CDH18: variants seen among roughly 807,000 people sequenced by gnomAD.
The protein encoded by CDH18 is cadherin-18.
A neutral mutation model predicts 67.9 loss-of-function variants in CDH18; 31 were observed. That is an observed-to-expected ratio of 0.46 (90% CI 0.34 to 0.62). The LOEUF is 0.62. Ranked by LOEUF, CDH18 falls within the 20% of genes least tolerant of loss-of-function variation. The pLI is 0.01. For missense variants in CDH18, 890 were observed against 975.5 expected (o/e 0.91, Z 1.17); for synonymous variants, 362 against 347.2 (o/e 1.04, Z -0.48).
At chr5:20,289,533 C>T (rs1440642345) in intron 1 of CDH18, among the ~76,000 whole-genome samples, 3 of 151,880 alleles carry the variant, frequency 2.0e-5, no homozygotes, top group Non-Finnish European at 4.4e-5. Flanking sequence ...AGGTGACAGA[C>T]TAAATATTTA....
In CDH18 at chr5:19,531,862, T is replaced by G. The variant is rs558192015; in HGVS notation, c.1391-11084A>C. 3.3e-5 allele frequency among the ~76,000 whole-genome samples: 5 copies of G among 152,246 alleles called. No homozygotes were observed. In the South Asian group the frequency reaches 1.0e-3, roughly 32 times the overall value. Reference sequence around the variant, plus strand: ...AACTTGACTCATTAACGCAAAAGCTTCCTGAAAAGAATGACTCAAAGGTGT... The same window carrying G: ...AACTTGACTCATTAACGCAAAAGCTGCCTGAAAAGAATGACTCAAAGGTGT... On this transcript the variant is annotated intron_variant, in intron 9 of 12. Coordinates refer to ENST00000382275, the MANE Select transcript of CDH18 (RefSeq NM_004934.5).
intron 1 of CDH18, among the ~76,000 whole-genome samples, chr5:20,558,070 T>C (rs1216167766): frequency 6.6e-6 from 1 of 151,960 alleles, no homozygotes; most frequent in African/African-American, 2.4e-5. Flanking sequence ...CTGATTGTTA[T>C]AGAATTATTT....
intron 2 of CDH18, among the ~76,000 whole-genome samples, chr5:19,846,065 G>C (rs542468813): frequency 1.3e-4 from 19 of 151,966 alleles, no homozygotes; most frequent in Admixed American, 3.3e-4. Context: ...TGTCTATCTT[G>C]TAGCTATTTT....
intron 2 of CDH18, among the ~76,000 whole-genome samples, chr5:19,925,252 T>C (rs775107716): frequency 6.6e-6 from 1 of 152,124 alleles, no homozygotes; most frequent in African/African-American, 2.4e-5. Context: ...AGCTACAGTA[T>C]GTATAAAGCA....
chr5:19,839,279 C>A, intron 2 of CDH18, 37 bp from the exon 3 acceptor site: 2 of 338,060 alleles, frequency 5.9e-6, no homozygotes, highest in Non-Finnish European at 5.6e-6. Context: ...TTACAAAACA[C>A]GGTTTTTTTA....
intron 3 of CDH18, among the ~76,000 whole-genome samples, chr5:19,824,529 C>T (rs1450012756): frequency 1.3e-5 from 2 of 152,184 alleles, no homozygotes; most frequent in Admixed American, 1.3e-4. Context: ...CAGAGAGCCA[C>T]CCGGACATTT....
At chr5:20,258,344 T>A (rs1744398605) in intron 1 of CDH18, among the ~76,000 whole-genome samples, 3 of 152,148 alleles carry the variant, frequency 2.0e-5, no homozygotes, top group Admixed American at 2.0e-4. Flanking sequence ...GGAAAACTCA[T>A]ATCCAGTAAC....
chr5:20,059,277 C>T (rs953762714), intron 2 of CDH18, among the ~76,000 whole-genome samples: 1 of 152,006 alleles, frequency 6.6e-6, no homozygotes, highest in African/African-American at 2.4e-5. Context: ...TTTTAAAAAA[C>T]CAGCTCCTGG....
chr5:20,242,610 A>C (rs1561905822), intron 2 of CDH18, among the ~76,000 whole-genome samples: 1 of 25,224 alleles, frequency 4.0e-5, no homozygotes, highest in Admixed American at 3.7e-4. Context: ...AAAAAAAAAA[A>C]AATATATATA....
intron 1 of CDH18, among the ~76,000 whole-genome samples, chr5:20,427,746 C>T (rs978480977): frequency 6.6e-6 from 1 of 151,030 alleles, no homozygotes; most frequent in Non-Finnish European, 1.5e-5. Context: ...GATTTATGCT[C>T]ATCTGGAAAG....
At chr5:19,719,915 A>AAGAAAGAAAGAAAG (rs1287602775) in intron 5 of CDH18, among the ~76,000 whole-genome samples, 47 of 123,542 alleles carry the variant, frequency 3.8e-4, no homozygotes, top group African/African-American at 1.3e-3. Flanking sequence ...GAAAGAAAGA[A>AAGAAAGAAAGAAAG]AGAAAGAAAG....
intron 2 of CDH18, among the ~76,000 whole-genome samples, chr5:20,196,653 T>C (rs1739004680): frequency 6.6e-6 from 1 of 152,214 alleles, no homozygotes; most frequent in South Asian, 2.1e-4. Context: ...ATACCACATA[T>C]GAAATAGAAT....
intron 1 of CDH18, among the ~76,000 whole-genome samples, chr5:20,333,877 T>C (rs1271826472): frequency 7.9e-6 from 1 of 126,056 alleles, no homozygotes; most frequent in African/African-American, 2.7e-5. Flanking sequence ...AATTTAAAGA[T>C]GAGTTTGAAG....
At chr5:20,423,049 A>T (rs959741692) in intron 1 of CDH18, among the ~76,000 whole-genome samples, 5 of 151,198 alleles carry the variant, frequency 3.3e-5, no homozygotes, top group African/African-American at 1.2e-4. Flanking sequence ...AGAGAAAATG[A>T]TTTGGTGGAA....
intron 1 of CDH18, among the ~76,000 whole-genome samples, chr5:20,288,683 A>G (rs1746872585): frequency 6.6e-6 from 1 of 151,930 alleles, no homozygotes; most frequent in East Asian, 1.9e-4. Context: ...ATCATAATAG[A>G]TCCTTTCTTG....
chr5:20,242,638 A>ATATATACGTG, intron 2 of CDH18, among the ~76,000 whole-genome samples: 1 of 109,494 alleles, frequency 9.1e-6, no homozygotes, highest in South Asian at 2.7e-4. Flanking sequence ...ATATATGTAT[A>ATATATACGTG]TATATATATA....
chr5:20,077,276 C>T (rs905373753), intron 2 of CDH18, among the ~76,000 whole-genome samples: 1 of 152,186 alleles, frequency 6.6e-6, no homozygotes, highest in African/African-American at 2.4e-5. Flanking sequence ...CTTTTATAAA[C>T]CTTGGCGTAT....
rs866337527 is a variant in CDH18 at position 20,072,365 on chromosome 5, A to C, written c.-517-80351T>G. 9.2e-5 allele frequency among the ~76,000 whole-genome samples: 14 copies of C among 152,162 alleles called. No homozygotes were observed. The Middle Eastern group carries it at 0.01, about 111-fold the overall frequency. ...TATCTGGGATTAAAGTTTCTTGATAAATTCAGTTCCATTGAGGGTACCATG... is the reference window on the plus strand; with the variant it reads ...TATCTGGGATTAAAGTTTCTTGATACATTCAGTTCCATTGAGGGTACCATG... On this transcript the variant is annotated intron_variant, in intron 2 of 14. Transcript: ENST00000507958.
chr5:19,920,973 G>A (rs762738212), intron 2 of CDH18, among the ~76,000 whole-genome samples: 1 of 151,306 alleles, frequency 6.6e-6, no homozygotes, highest in Non-Finnish European at 1.5e-5. Context: ...CAAGCAATGA[G>A]GGAAAGATGA....
Sources: allele counts gnomAD v4.1 joint callset (sites outside exome capture counted in the v4.1 genomes callset), GRCh38; gene constraint gnomAD v4.1.1; transcripts MANE v1.5; gene names NCBI Gene and HGNC (gene_info 2026-07-23, HGNC 2026-07-21).